The following DNAH17 variants were observed in gnomAD, a reference collection of about 807,000 sequenced individuals.
DNAH17 encodes dynein axonemal heavy chain 17.
DNAH17 carries 376 observed loss-of-function variants against 485.6 expected under a neutral mutation model. The observed-to-expected ratio is 0.77, with a 90% CI of 0.71 to 0.84. The LOEUF (loss-of-function observed/expected upper bound fraction) is 0.84, where lower values mean the gene tolerates loss of function less well. Among genes scored for constraint, DNAH17 ranks in the 40% least tolerant of loss-of-function variants. DNAH17 has a pLI of 0.00. For synonymous variants in DNAH17, 3,031 were observed against 2,405.9 expected, an observed-to-expected ratio of 1.26 and a Z score of -7.60; for missense variants, 6,370 against 5,839.3, an observed-to-expected ratio of 1.09 and a Z score of -2.96.
Position 78,455,669 on chromosome 17 carries a change from C to G in DNAH17, c.10145G>C (p.Trp3382Ser), listed in dbSNP as rs1370664081. 6 of 1,560,814 alleles carry G rather than the reference C, an allele frequency of 3.8e-6. No homozygotes were observed. Among genetic ancestry groups the G allele is most frequent in the Non-Finnish European group, 5.2e-6 (6 of 1,152,596 alleles). ...KYRNELMEKF[W>S]IPYIHNLKVP... The stretch of plus-strand genomic sequence containing the variant: ...CTTTAAGTTATGTATGTAAGGGATC[C>G]AGAATTTCTCCATCAGCTCATTCCG... Residue 3382 changes from tryptophan (W) to serine (S), a missense_variant, in exon 63 of 81, where the codon TGG (tryptophan) becomes TCG (serine). Physicochemically the swap from Trp to Ser is radical, Grantham distance 177 (BLOSUM62 -3). Coordinates refer to ENST00000389840, the MANE Select transcript of DNAH17 (RefSeq NM_173628.4).
At chr17:78,566,258 A>G (rs1292267200) in intron 11 of DNAH17, among the ~76,000 whole-genome samples, 2 of 152,224 alleles carry the variant, frequency 1.3e-5, no homozygotes, top group Non-Finnish European at 2.9e-5. Context: ...ATCTGCATTA[A>G]TTTTATTTTT....
In DNAH17 at chr17:78,466,758, G is replaced by C. The variant is rs749570419; in HGVS notation, c.8837C>G (p.Pro2946Arg). The C allele has an allele frequency of 3.7e-6, 6 of 1,611,540 alleles. 1 individual carries two copies. In the Admixed American group the frequency reaches 6.7e-5, roughly 18 times the overall value. Residue 2946 changes from proline (P) to arginine (R), a missense_variant, in exon 56 of 81, where the codon CCA (proline) becomes CGA (arginine). Pro to Arg is a moderately radical substitution (Grantham distance 103). Coordinates refer to ENST00000389840, the MANE Select transcript of DNAH17 (RefSeq NM_173628.4). ...SVLRVRARKF[P>R]AVVNCTAIDW... Reference sequence around the variant, plus strand: ...GATGGCCGTGCAGTTGACCACAGCTGGGAACTTTCTGGCTCGTACCCGCAG... The same window carrying C: ...GATGGCCGTGCAGTTGACCACAGCTCGGAACTTTCTGGCTCGTACCCGCAG...
Position 78,532,583 on chromosome 17 carries a change from A to T in DNAH17, c.3013T>A (p.Phe1005Ile). 6.2e-7 allele frequency: 1 copy of T among 1,609,116 alleles called. No individual in the cohort carries two copies. The part of the protein sequence containing the change: ...TDNLQEFMKN[F>I]LIYGCAVTAE... ...GTGACTGCACACCCATATATCAGGA[A>T]ATTCTTCATAAACTCCTGCAGGTTG... The change falls in exon 20 of 81, where the codon TTC becomes ATC. Residue 1005 changes from phenylalanine (F) to isoleucine (I), a missense_variant. By Grantham distance (21) the Phe-to-Ile change is conservative. Coordinates refer to ENST00000389840, the MANE Select transcript of DNAH17 (RefSeq NM_173628.4).
intron 55 of DNAH17, among the ~76,000 whole-genome samples, chr17:78,468,016 CA>C (rs1250610248): frequency 4.9e-4 from 43 of 88,576 alleles, no homozygotes; most frequent in African/African-American, 8.7e-4. Context: ...AACTCCATCT[CA>C]AAAAAAAAAA....
Position 78,535,451 on chromosome 17 carries a change from CTCA to C in DNAH17, c.2859+1845_2859+1847del, listed in dbSNP as rs367720804. Among the ~76,000 whole-genome samples the C allele has an allele frequency of 1.4e-4, 21 of 152,270 alleles. No individual in the cohort carries two copies. In the South Asian group the frequency reaches 1.9e-3, roughly 14 times the overall value. ...AGGTCATTAGCTGTTCCCTCGTGTC[CTCA>C]TGTCACCTCTGTACAAGCATGCCTC... is the stretch of plus-strand genomic sequence containing the variant. On this transcript the variant is annotated intron_variant, in intron 19 of 80. Transcript: ENST00000389840.
At chr17:78,512,390 G>A (rs1009793856) in intron 26 of DNAH17, among the ~76,000 whole-genome samples, 7 of 152,044 alleles carry the variant, frequency 4.6e-5, no homozygotes, top group East Asian at 1.9e-4. Flanking sequence ...CCTTCCCACC[G>A]CTTGAAGGTG....
intron 27 of DNAH17, among the ~76,000 whole-genome samples, chr17:78,509,855 G>A (rs1161573491): frequency 1.3e-5 from 2 of 152,232 alleles, no homozygotes; most frequent in Admixed American, 1.3e-4. Context: ...GGGGCGGGCA[G>A]AGCTATAGCC....
At chr17:78,572,314 G>A (rs115235679) in intron 3 of DNAH17, among the ~76,000 whole-genome samples, 1,881 of 152,248 alleles carry the variant, frequency 0.012, 26 homozygotes, top group African/African-American at 0.041. Flanking sequence ...CCTGCTGAGA[G>A]TCCCTCCCAC....
At chr17:78,503,364 T>G (rs1249452345) in intron 31 of DNAH17, among the ~76,000 whole-genome samples, 1 of 140,646 alleles carries the variant, frequency 7.1e-6, no homozygotes, top group Non-Finnish European at 1.6e-5. Context: ...TTTTTGTATT[T>G]TTACTAGAGG....
At chr17:78,554,256 A>G (rs1192478846) in intron 14 of DNAH17, among the ~76,000 whole-genome samples, 1 of 152,056 alleles carries the variant, frequency 6.6e-6, no homozygotes, top group African/African-American at 2.4e-5. Context: ...CCTGGCCAAC[A>G]TGGTGAAATC....
At chr17:78,552,836 G>C (rs371363589) in intron 14 of DNAH17, 31 bp from the exon 15 acceptor site, 4 of 1,478,056 alleles carry the variant, frequency 2.7e-6, no homozygotes, top group Non-Finnish European at 3.8e-6. Flanking sequence ...GTTTTGTTCC[G>C]AGTCCAACCA....
At chr17:78,451,442 C>G in intron 66 of DNAH17, 27 bp downstream of exon 66, 1 of 1,587,288 alleles carries the variant, frequency 6.3e-7, no homozygotes, top group South Asian at 1.2e-5. Context: ...GCACCTCCTC[C>G]CGTGTGACCA....
Position 78,552,746 on chromosome 17 carries a change from A to G in DNAH17, c.2238T>C (p.Ile746=). Residue 746 remains isoleucine, a synonymous_variant, in exon 15 of 81, where the codon ATT becomes ATC. Transcript: ENST00000389840. ...TTTCAGCGCTCAATAACTTGACATC[A>G]ATTGCTTCCAGTTCTGACTTTATTA... ...FLLIKSELEA[I]DVKLLSAETT... The G allele has an allele frequency of 6.2e-7, 1 of 1,613,880 alleles. No homozygotes were observed. Among genetic ancestry groups the G allele is most frequent in the South Asian group, 1.1e-5 (1 of 91,068 alleles).
chr17:78,567,753 C>T (rs1261389546), intron 9 of DNAH17, among the ~76,000 whole-genome samples: 1 of 152,166 alleles, frequency 6.6e-6, no homozygotes, highest in Non-Finnish European at 1.5e-5. Context: ...CAATGCATTC[C>T]TTCCCAGGGG....
chr17:78,472,240 G>A (rs9910797), intron 54 of DNAH17, among the ~76,000 whole-genome samples: 3,939 of 146,394 alleles, frequency 0.027, 166 homozygotes, highest in African/African-American at 0.094. Context: ...TAGGGTTATG[G>A]AGTAGGGGTG....
In DNAH17 at chr17:78,577,175, TG is replaced by T. The variant is rs986209464; in HGVS notation, c.-26+119del. The T allele has an allele frequency of 1.1e-4, 17 of 152,474 alleles. 1 individual carries two copies. Among genetic ancestry groups the T allele is most frequent in the Middle Eastern group, 6.8e-3 (2 of 296 alleles). The allele number at this position is 152,474 out of a possible 1,614,324, so 9.4% of individuals were successfully genotyped here. On this transcript the variant is annotated intron_variant, in intron 1 of 80. Coordinates refer to ENST00000389840, the MANE Select transcript of DNAH17 (RefSeq NM_173628.4). ...TCCCGGTGGCGAGCAGAGCCACTTC[TG>T]GGGTAAGTGGAGGGTCTGCTGTCTG...
Position 78,507,407 on chromosome 17 carries a change from G to A in DNAH17, c.4585-38C>T, listed in dbSNP as rs766837438. The A allele has an allele frequency of 5.6e-5, 91 of 1,613,454 alleles. No individual in the cohort carries two copies. The East Asian group carries it at 6.5e-4, about 11-fold the overall frequency. ...GGGGATCGCCAAGGCATTAGGGATC[G>A]CCACACACAGTCATTTCTGAAGTGC... On this transcript the variant is annotated intron_variant, in intron 28 of 80. Transcript: ENST00000389840.
intron 17 of DNAH17, among the ~76,000 whole-genome samples, chr17:78,543,025 G>C (rs115840480): frequency 6.6e-6 from 1 of 152,230 alleles, no homozygotes; most frequent in Non-Finnish European, 1.5e-5. Flanking sequence ...GCAGAGGGCA[G>C]GCCCATCATA....
chr17:78,427,154 C>T, intron 77 of DNAH17, 46 bp from the exon 78 acceptor site: 2 of 1,544,408 alleles, frequency 1.3e-6, no homozygotes, highest in Non-Finnish European at 1.8e-6. Flanking sequence ...AAAGAGCCCA[C>T]CCCACCCACT....
Sources: gnomAD v4.1 joint callset for allele counts (sites outside exome capture counted in the v4.1 genomes callset) on GRCh38, gnomAD v4.1.1 for gene constraint, MANE v1.5 for transcripts, NCBI Gene and HGNC (gene_info 2026-07-23, HGNC 2026-07-21) for gene names.